NEMP2: variants seen among roughly 807,000 people sequenced by gnomAD.
NEMP2 encodes the protein nuclear envelope integral membrane protein 2, also known as UPF0571 transmembrane protein.
A neutral mutation model predicts 54.2 loss-of-function variants in NEMP2; 53 were observed. The observed-to-expected ratio is 0.98, with a 90% CI of 0.78 to 1.23. NEMP2 has a LOEUF of 1.23. Ranked by LOEUF, NEMP2 falls within the 50% of genes most tolerant of loss-of-function variation. NEMP2 has a pLI of 0.00. For synonymous variants in NEMP2, 197 were observed against 190.3 expected, an observed-to-expected ratio of 1.04 and a Z score of -0.29; for missense variants, 455 against 511.3, an observed-to-expected ratio of 0.89 and a Z score of 1.06.
At chr2:190,563,349 C>T in the NEMP2 span, among the ~76,000 whole-genome samples, 1 of 152,172 alleles carries the variant, frequency 6.6e-6, no homozygotes, top group East Asian at 1.9e-4. This position sits in a 1 kb window ranked among gnomAD's most constrained non-coding sequence, Gnocchi z 4.3. Flanking sequence ...CATCTTCTCT[C>T]CTTCACGCAG....
chr2:190,466,841 C>G, the NEMP2 span, among the ~76,000 whole-genome samples: 4 of 152,152 alleles, frequency 2.6e-5, no homozygotes, highest in South Asian at 2.1e-4. Context: ...CATAGCCACT[C>G]AGCTTGTTGA....
the NEMP2 span, among the ~76,000 whole-genome samples, chr2:190,459,864 A>AGCT: frequency 6.6e-6 from 1 of 152,256 alleles, no homozygotes; most frequent in African/African-American, 2.4e-5. This position sits in a 1 kb window ranked among gnomAD's most constrained non-coding sequence, Gnocchi z 5.3. Flanking sequence ...AAGTATTAGT[A>AGCT]GCTGCAGAAA....
At chr2:190,472,139 A>G in the NEMP2 span, among the ~76,000 whole-genome samples, 2 of 152,192 alleles carry the variant, frequency 1.3e-5, no homozygotes, top group Non-Finnish European at 2.9e-5. Flanking sequence ...AAAGATGGGG[A>G]AAAAACAGAG....
Position 190,525,954 on chromosome 2 carries a change from G to C in NEMP2, c.98-576C>G, listed in dbSNP as rs1165567076. Among the ~76,000 whole-genome samples, 3 of 152,184 alleles carry C rather than the reference G, an allele frequency of 2.0e-5. No homozygotes were observed. The highest frequency in any genetic ancestry group is 4.4e-5 in the Non-Finnish European group (3 of 68,026). ...ACTCCATCTTGAAAGCAGAGCATTG[G>C]AGGATTTTAGGTAAGTATCAGTCTC... is the stretch of plus-strand genomic sequence containing the variant. On this transcript the variant is annotated intron_variant, in intron 1 of 8. Transcript: ENST00000409150. This position sits in a 1 kb window ranked among gnomAD's most constrained non-coding sequence, Gnocchi z 5.0.
the NEMP2 span, chr2:190,437,684 A>C: frequency 8.5e-7 from 1 of 1,170,576 alleles, no homozygotes; most frequent in Non-Finnish European, 1.2e-6. This position sits in a 1 kb window ranked among gnomAD's most constrained non-coding sequence, Gnocchi z 5.9. Context: ...TTGGAGTGGA[A>C]ATGGGGATTT....
chr2:190,539,905 C>G, the NEMP2 span, among the ~76,000 whole-genome samples: 2 of 152,042 alleles, frequency 1.3e-5, no homozygotes, highest in East Asian at 3.8e-4. This position sits in a 1 kb window ranked among gnomAD's most constrained non-coding sequence, Gnocchi z 4.1. Flanking sequence ...TTTGGAAGCC[C>G]TTTATTTCTT....
intron 6 of NEMP2, 86 bp downstream of exon 6, chr2:190,516,184 G>T: frequency 1.2e-6 from 1 of 869,034 alleles, no homozygotes; most frequent in South Asian, 2.1e-5. Flanking sequence ...TTAGATGTTG[G>T]AGAGAAACAT....
At chr2:190,429,125 T>G in the NEMP2 span, among the ~76,000 whole-genome samples, 1 of 152,094 alleles carries the variant, frequency 6.6e-6, no homozygotes, top group South Asian at 2.1e-4. Context: ...ATTCAAGCTT[T>G]TTGCTTATTT....
At chr2:190,476,346 C>G in the NEMP2 span, among the ~76,000 whole-genome samples, 47 of 151,210 alleles carry the variant, frequency 3.1e-4, no homozygotes, top group African/African-American at 1.1e-3. Flanking sequence ...ACAAAGAACT[C>G]AAACAAATTT....
chr2:190,456,454 A>C, the NEMP2 span, among the ~76,000 whole-genome samples: 1 of 152,176 alleles, frequency 6.6e-6, no homozygotes, highest in African/African-American at 2.4e-5. This position sits in a 1 kb window ranked among gnomAD's most constrained non-coding sequence, Gnocchi z 5.4. Flanking sequence ...CGCATCAGGA[A>C]TTGAGGAATG....
At chr2:190,642,954 C>A in the NEMP2 span, among the ~76,000 whole-genome samples, 1 of 148,868 alleles carries the variant, frequency 6.7e-6, no homozygotes. The surrounding 1 kb of genome is among the most constrained non-coding windows in gnomAD (Gnocchi z 4.1). Flanking sequence ...AAAATCACTA[C>A]CAACTTCTTA....
chr2:190,456,694 T>A, the NEMP2 span, among the ~76,000 whole-genome samples: 2 of 152,244 alleles, frequency 1.3e-5, no homozygotes, highest in Non-Finnish European at 1.5e-5. The surrounding 1 kb of genome is among the most constrained non-coding windows in gnomAD (Gnocchi z 5.4). Context: ...TTCTGATTAT[T>A]TAAAGTCTGC....
At chr2:190,618,390 C>T in the NEMP2 span, among the ~76,000 whole-genome samples, 1 of 152,148 alleles carries the variant, frequency 6.6e-6, no homozygotes, top group Non-Finnish European at 1.5e-5. Context: ...GGATCAATGA[C>T]ACTTTATGAG....
chr2:190,555,095 A>G, the NEMP2 span, among the ~76,000 whole-genome samples: 9 of 152,232 alleles, frequency 5.9e-5, no homozygotes, highest in Non-Finnish European at 2.9e-5. The surrounding 1 kb of genome is among the most constrained non-coding windows in gnomAD (Gnocchi z 4.8). Flanking sequence ...TTAGAAGGAA[A>G]ACTAACAAAC....
At chr2:190,611,455 A>G in the NEMP2 span, among the ~76,000 whole-genome samples, 3 of 152,356 alleles carry the variant, frequency 2.0e-5, no homozygotes, top group African/African-American at 7.2e-5. The surrounding 1 kb of genome is among the most constrained non-coding windows in gnomAD (Gnocchi z 5.4). Context: ...AAGATTTTGT[A>G]TAGACCTTTT....
At chr2:190,643,351 C>A in the NEMP2 span, among the ~76,000 whole-genome samples, 2 of 152,148 alleles carry the variant, frequency 1.3e-5, no homozygotes, top group Non-Finnish European at 2.9e-5. Flanking sequence ...GGAAGTTAAA[C>A]TGGAGTTTTA....
At chr2:190,593,797 A>G in the NEMP2 span, among the ~76,000 whole-genome samples, 6 of 152,142 alleles carry the variant, frequency 3.9e-5, no homozygotes, top group African/African-American at 9.7e-5. The surrounding 1 kb of genome is among the most constrained non-coding windows in gnomAD (Gnocchi z 4.5). Context: ...TATTTTTCCA[A>G]TTTTAAAGTT....
At chr2:190,489,648 T>G in the NEMP2 span, 1 of 909,092 alleles carries the variant, frequency 1.1e-6, no homozygotes, top group Non-Finnish European at 1.7e-6. The surrounding 1 kb of genome is among the most constrained non-coding windows in gnomAD (Gnocchi z 6.6). Context: ...CCAACTACTT[T>G]TCTCTGGTTT....
At chr2:190,423,711 C>G in the NEMP2 span, among the ~76,000 whole-genome samples, 1 of 152,202 alleles carries the variant, frequency 6.6e-6, no homozygotes, top group African/African-American at 2.4e-5. This position sits in a 1 kb window ranked among gnomAD's most constrained non-coding sequence, Gnocchi z 4.3. Context: ...TTAGAAACTG[C>G]TAAACTGCTT....
Sources: gnomAD v4.1 joint callset for allele counts (sites outside exome capture counted in the v4.1 genomes callset) on GRCh38, gnomAD v4.1.1 for gene constraint, Gnocchi (gnomAD v3.1) non-coding constraint, MANE v1.5 for transcripts, NCBI Gene and HGNC (gene_info 2026-07-23, HGNC 2026-07-21) for gene names.